Variants in TENM2 observed in about 807,000 individuals in gnomAD.
The protein encoded by TENM2 is teneurin-2.
Under a neutral mutation model 245.2 loss-of-function variants are expected in TENM2, and 52 were observed. The ratio of observed to expected loss-of-function variants is 0.21; its 90% confidence interval spans 0.17 to 0.27. The LOEUF is 0.27. TENM2 is among the 10% of genes least tolerant of loss of function. TENM2 has a pLI of 1.00. For synonymous variants in TENM2, 1,363 were observed against 1,438.9 expected (o/e 0.95, Z 1.19); for missense variants, 3,046 against 3,666.8 (o/e 0.83, Z 4.37).
At chr5:167,421,603 A>C (rs1215087704) in intron 2 of TENM2, among the ~76,000 whole-genome samples, 1 of 152,164 alleles carries the variant, frequency 6.6e-6, no homozygotes, top group Non-Finnish European at 1.5e-5. Context: ...GGCGACTAAT[A>C]AACTGGATTT....
chr5:168,258,631 A>G (rs572391640), intron 27 of TENM2, among the ~76,000 whole-genome samples: 1 of 152,356 alleles, frequency 6.6e-6, no homozygotes, highest in South Asian at 2.1e-4. Flanking sequence ...GAAAGAAGCC[A>G]GACACAAAAG....
At chr5:167,648,025 C>T (rs775213598) in intron 2 of TENM2, among the ~76,000 whole-genome samples, 1 of 152,166 alleles carries the variant, frequency 6.6e-6, no homozygotes, top group Non-Finnish European at 1.5e-5. Flanking sequence ...GGACTTGCTA[C>T]GATGTATCCC....
At position 167,328,204 on chromosome 5, in the gene TENM2, GTTTTT is replaced by G. The variant is rs70976412; in HGVS notation, c.226+43160_226+43164del. Among the ~76,000 whole-genome samples the G allele has an allele frequency of 0.021, 1,938 of 91,012 alleles. 87 individuals carry two copies. The East Asian group carries it at 0.22, about 10-fold the overall frequency. The allele number at this position is 91,012 out of a possible 152,430, so 59.7% of individuals were successfully genotyped here. A position where few individuals can be genotyped will look rare whatever the true frequency, so the allele number is the denominator to read the frequency against. Reference sequence around the variant, plus strand: ...CAACAGTTCGATAGTTTCTCATATCGTTTTTTTTTTTTTTTTTTTTTTTGATGGAT... The same window carrying G: ...CAACAGTTCGATAGTTTCTCATATCGTTTTTTTTTTTTTTTTTTGATGGAT... On this transcript the variant is annotated intron_variant, in intron 1 of 28. Transcript: ENST00000518659.
At chr5:167,087,935 G>A in the TENM2 span, among the ~76,000 whole-genome samples, 10 of 151,974 alleles carry the variant, frequency 6.6e-5, no homozygotes, top group African/African-American at 1.9e-4. Flanking sequence ...GACTACAGGC[G>A]TGCGCTACCA....
chr5:167,669,478 T>C (rs1316448919), intron 2 of TENM2, among the ~76,000 whole-genome samples: 2 of 152,082 alleles, frequency 1.3e-5, no homozygotes, highest in Non-Finnish European at 2.9e-5. Context: ...GGAGGAAGCG[T>C]AAAGAAAAAG....
At chr5:168,042,807 A>G (rs1306984650) in intron 5 of TENM2, among the ~76,000 whole-genome samples, 1 of 152,142 alleles carries the variant, frequency 6.6e-6, no homozygotes, top group African/African-American at 2.4e-5. Flanking sequence ...GAATGCCAAG[A>G]AAGTTTTCTC....
chr5:168,136,406 C>A (rs530643575), intron 12 of TENM2, among the ~76,000 whole-genome samples: 1 of 152,176 alleles, frequency 6.6e-6, no homozygotes, highest in African/African-American at 2.4e-5. Context: ...TTCATTGAAA[C>A]CTGCTGCCTG....
the TENM2 span, among the ~76,000 whole-genome samples, chr5:167,235,745 A>G: frequency 6.6e-6 from 1 of 152,160 alleles, no homozygotes; most frequent in African/African-American, 2.4e-5. Flanking sequence ...CAAATGTTGT[A>G]ATAAAAGTCC....
intron 2 of TENM2, among the ~76,000 whole-genome samples, chr5:167,726,072 G>A (rs1759981397): frequency 1.3e-5 from 2 of 152,212 alleles, no homozygotes; most frequent in Admixed American, 1.3e-4. Flanking sequence ...ATTGTCAGAT[G>A]GTAGGGGCAG....
intron 2 of TENM2, among the ~76,000 whole-genome samples, chr5:167,388,628 T>C (rs1356441965): frequency 6.6e-6 from 1 of 152,138 alleles, no homozygotes; most frequent in Non-Finnish European, 1.5e-5. Flanking sequence ...CACTTTTTGA[T>C]GTAGGCATTT....
At chr5:167,305,413 A>C (rs1296072040) in intron 1 of TENM2, among the ~76,000 whole-genome samples, 1 of 152,222 alleles carries the variant, frequency 6.6e-6, no homozygotes, top group Non-Finnish European at 1.5e-5. Context: ...TGGCTAACGA[A>C]AACAGTAATA....
chr5:167,314,725 A>C (rs942887946), intron 1 of TENM2, among the ~76,000 whole-genome samples: 4 of 152,082 alleles, frequency 2.6e-5, no homozygotes, highest in African/African-American at 4.8e-5. Context: ...AGTAATATTA[A>C]AGCAATAATA....
Position 167,284,888 on chromosome 5 carries a change from CAA to C in TENM2, c.53_54del (p.Lys18ArgfsTer12), listed in dbSNP as rs1771246668. On this transcript the variant is annotated frameshift_variant, in exon 1 of 29. Coordinates refer to ENST00000518659, the Ensembl canonical transcript of TENM2. LOFTEE classifies it high-confidence loss of function. ...GCTCTTTGACCAGAGGACGCTGTGG[CAA>C]AGAGTGTCGCTACACAAGCTCCTCT... 1.3e-6 allele frequency: 2 copies of C among 1,551,626 alleles called. No individual in the cohort carries two copies. Among genetic ancestry groups the C allele is most frequent in the Non-Finnish European group, 1.7e-6 (2 of 1,147,028 alleles).
At chr5:167,977,361 C>T (rs1394080109) in intron 4 of TENM2, among the ~76,000 whole-genome samples, 1 of 152,098 alleles carries the variant, frequency 6.6e-6, no homozygotes, top group East Asian at 1.9e-4. Flanking sequence ...GTATGTCTAT[C>T]ACATATTAAA....
intron 5 of TENM2, among the ~76,000 whole-genome samples, chr5:168,009,532 G>GA (rs1256786435): frequency 6.6e-6 from 1 of 152,104 alleles, no homozygotes; most frequent in Non-Finnish European, 1.5e-5. Context: ...CCACCACACT[G>GA]AAGTCTCGAT....
At chr5:167,008,854 A>C in the TENM2 span, among the ~76,000 whole-genome samples, 1 of 152,170 alleles carries the variant, frequency 6.6e-6, no homozygotes, top group Non-Finnish European at 1.5e-5. Context: ...CAGTGTGCAC[A>C]ACTTGAGTGA....
Position 168,247,159 on chromosome 5 carries a change from A to G in TENM2, c.6220A>G (p.Lys2074Glu), listed in dbSNP as rs1453552871. The stretch of plus-strand genomic sequence containing the variant: ...CCGGAAGATTGGCCCCCTGGTGGAC[A>G]AGCAGATCTACAGGTTCTCCGAGGA... Residue 2074 changes from lysine (K) to glutamate (E), a missense_variant, in exon 27 of 29, where the codon AAG becomes GAG. By Grantham distance (56) the Lys-to-Glu change is moderately conservative. Around this residue, in one of 2 missense-constraint regions of TENM2, gnomAD observed 2,704 missense variants for 3,331.9 expected, o/e 0.81. Coordinates refer to ENST00000518659, the Ensembl canonical transcript of TENM2. This position sits in a 1 kb window ranked among gnomAD's most constrained non-coding sequence, Gnocchi z 7.8. 6.2e-7 allele frequency: 1 copy of G among 1,613,926 alleles called. No individual in the cohort carries two copies. Among genetic ancestry groups the G allele is most frequent in the East Asian group, 2.2e-5 (1 of 44,856 alleles).
chr5:168,237,444 C>T (rs992220883), intron 25 of TENM2, among the ~76,000 whole-genome samples: 11 of 151,932 alleles, frequency 7.2e-5, no homozygotes, highest in African/African-American at 2.7e-4. Context: ...AAGCACTTTC[C>T]AAAACAAAAT....
chr5:167,989,790 G>T (rs1751084628), intron 4 of TENM2, among the ~76,000 whole-genome samples: 1 of 152,182 alleles, frequency 6.6e-6, no homozygotes, highest in African/African-American at 2.4e-5. Flanking sequence ...GGGTAACTGG[G>T]AGTAAAGGAA....
Sources: gnomAD v4.1 joint callset for allele counts (sites outside exome capture counted in the v4.1 genomes callset) on GRCh38, gnomAD v4.1.1 for gene constraint, gnomAD v4.1.1 regional missense constraint, Gnocchi (gnomAD v3.1) non-coding constraint, MANE v1.5 for transcripts, NCBI Gene and HGNC (gene_info 2026-07-23, HGNC 2026-07-21) for gene names.